The following FRMD6 variants were observed in gnomAD, a reference collection of about 807,000 sequenced individuals.
The protein encoded by FRMD6 is FERM domain-containing protein 6.
FRMD6 carries 37 observed loss-of-function variants against 73.2 expected under a neutral mutation model. That is an observed-to-expected ratio of 0.51 (90% CI 0.39 to 0.66). FRMD6 has a LOEUF of 0.66. FRMD6 is among the 30% of genes least tolerant of loss of function. The pLI, the probability that FRMD6 is intolerant of heterozygous loss-of-function variation, is 0.00. For missense variants in FRMD6, 714 were observed against 780.5 expected, an observed-to-expected ratio of 0.91 and a Z score of 1.02; for synonymous variants, 273 against 282.2, an observed-to-expected ratio of 0.97 and a Z score of 0.33.
At chr14:51,703,873 G>A (rs1483680570) in intron 5 of FRMD6, among the ~76,000 whole-genome samples, 1 of 152,038 alleles carries the variant, frequency 6.6e-6, no homozygotes, top group Non-Finnish European at 1.5e-5. Flanking sequence ...ATAATGTAGA[G>A]GCAAATGAGC....
chr14:51,493,357 A>G (rs2140176366), intron 1 of FRMD6, among the ~76,000 whole-genome samples: 1 of 152,316 alleles, frequency 6.6e-6, no homozygotes, highest in African/African-American at 2.4e-5. Flanking sequence ...CATAATTCCC[A>G]TAATACATGT....
At chr14:51,610,957 T>C (rs938208664) in intron 2 of FRMD6, among the ~76,000 whole-genome samples, 1 of 152,160 alleles carries the variant, frequency 6.6e-6, no homozygotes, top group Non-Finnish European at 1.5e-5. Context: ...CCAAATCCCC[T>C]GGCTTGCTTA....
At chr14:51,557,245 CAT>C (rs35072700) in intron 1 of FRMD6, among the ~76,000 whole-genome samples, 4,470 of 149,616 alleles carry the variant, frequency 0.03, 113 homozygotes, top group African/African-American at 0.066. Flanking sequence ...GAAAATGTGA[CAT>C]ATATATATAT....
chr14:51,483,217 C>G, the FRMD6 span, among the ~76,000 whole-genome samples: 82,482 of 152,048 alleles, frequency 0.54, 22,557 homozygotes, highest in South Asian at 0.69. Flanking sequence ...TATTGCATAT[C>G]TTTTATCCAA....
intron 1 of FRMD6, among the ~76,000 whole-genome samples, chr14:51,493,499 C>T (rs1166306012): frequency 6.6e-6 from 1 of 152,184 alleles, no homozygotes; most frequent in Non-Finnish European, 1.5e-5. Context: ...CATGCTCTCT[C>T]TCTTCCCTGC....
chr14:51,401,323 G>A, the FRMD6 span, among the ~76,000 whole-genome samples: 2 of 152,120 alleles, frequency 1.3e-5, no homozygotes, highest in African/African-American at 4.8e-5. Flanking sequence ...AACCCATTTT[G>A]TTTTAGGATG....
chr14:51,543,599 C>T (rs1389474402), intron 1 of FRMD6, among the ~76,000 whole-genome samples: 1 of 151,926 alleles, frequency 6.6e-6, no homozygotes, highest in African/African-American at 2.4e-5. Flanking sequence ...ATAAAAAGAC[C>T]TGATCTCTGT....
chr14:51,469,618 G>GAAA, the FRMD6 span, among the ~76,000 whole-genome samples: 9 of 96,760 alleles, frequency 9.3e-5, no homozygotes, highest in East Asian at 3.3e-4. Flanking sequence ...ATTTCAAAAA[G>GAAA]AAAAAAAAAA....
rs550828718 is a variant in FRMD6 at position 51,566,618 on chromosome 14, G to C, written c.-209-3730G>C. Among the ~76,000 whole-genome samples the C allele has an allele frequency of 2.8e-4, 42 of 152,286 alleles. 1 individual carries two copies. The highest frequency in any genetic ancestry group is 1.0e-3 in the African/African-American group (42 of 41,562). ...GAAGCTCCAGCCTTCCTACACAGTA[G>C]CCAGGCAATCCACCATCCTCGAATA... On this transcript the variant is annotated intron_variant, in intron 1 of 14. Transcript: ENST00000356218.
chr14:51,564,396 A>G (rs1412839774), intron 1 of FRMD6, among the ~76,000 whole-genome samples: 1 of 152,162 alleles, frequency 6.6e-6, no homozygotes, highest in Non-Finnish European at 1.5e-5. Flanking sequence ...TTAGACCAAA[A>G]TCTCTTTTTT....
chr14:51,428,997 G>GGGAGAGAGAGGGTGGA, the FRMD6 span, among the ~76,000 whole-genome samples: 1 of 140,606 alleles, frequency 7.1e-6, no homozygotes, highest in African/African-American at 2.7e-5. Context: ...GAGAGGGTGG[G>GGGAGAGAGAGGGTGGA]AGAGAGAGGG....
intron 2 of FRMD6, among the ~76,000 whole-genome samples, chr14:51,646,318 CAA>C (rs34495089): frequency 0.36 from 24,853 of 68,698 alleles, 2,468 homozygotes; most frequent in Middle Eastern, 0.41. Flanking sequence ...ACTCCATATC[CAA>C]AAAAAAAAAA....
At chr14:51,608,016 C>T (rs1460927390) in intron 2 of FRMD6, among the ~76,000 whole-genome samples, 1 of 151,754 alleles carries the variant, frequency 6.6e-6, no homozygotes, top group Non-Finnish European at 1.5e-5. Flanking sequence ...TTCTGTGCAT[C>T]AGATCCAGTA....
chr14:51,715,642 C>T, intron 10 of FRMD6, 143 bp downstream of exon 10: 1 of 589,364 alleles, frequency 1.7e-6, no homozygotes. Flanking sequence ...CTATTTACAT[C>T]TCAGTATTTC....
intron 2 of FRMD6, among the ~76,000 whole-genome samples, chr14:51,634,173 G>T (rs1891454640): frequency 6.6e-6 from 1 of 152,036 alleles, no homozygotes; most frequent in African/African-American, 2.4e-5. Context: ...TTTTTTAAGT[G>T]CTTGTCTGTT....
the FRMD6 span, among the ~76,000 whole-genome samples, chr14:51,483,307 A>C: frequency 3.3e-5 from 5 of 152,260 alleles, no homozygotes; most frequent in African/African-American, 1.2e-4. Context: ...AAGTACTTAC[A>C]TTCTAACTGG....
chr14:51,529,079 G>C (rs954582778), intron 1 of FRMD6, among the ~76,000 whole-genome samples: 1 of 152,186 alleles, frequency 6.6e-6, no homozygotes, highest in Non-Finnish European at 1.5e-5. Context: ...GTTGGTCTTG[G>C]GGGACATGCT....
intron 2 of FRMD6, among the ~76,000 whole-genome samples, chr14:51,619,226 A>G (rs948125567): frequency 1.3e-5 from 2 of 152,154 alleles, no homozygotes; most frequent in African/African-American, 4.8e-5. Flanking sequence ...AACAATATGA[A>G]GAAACACTTA....
intron 1 of FRMD6, among the ~76,000 whole-genome samples, chr14:51,675,704 T>A (rs954240817): frequency 1.3e-5 from 2 of 152,162 alleles, no homozygotes; most frequent in African/African-American, 2.4e-5. Flanking sequence ...AGTCTGTAGG[T>A]TGTGCTTTTG....
Sources: allele counts gnomAD v4.1 joint callset (sites outside exome capture counted in the v4.1 genomes callset), GRCh38; gene constraint gnomAD v4.1.1; transcripts MANE v1.5; gene names NCBI Gene and HGNC (gene_info 2026-07-23, HGNC 2026-07-21).